Variants in FSTL5 observed in about 807,000 individuals in gnomAD.
FSTL5 encodes the protein follistatin-related protein 5.
Under a neutral mutation model 89.1 loss-of-function variants are expected in FSTL5, and 62 were observed. The ratio of observed to expected loss-of-function variants is 0.70; its 90% CI spans 0.57 to 0.86. The LOEUF is 0.86. Ranked by LOEUF, FSTL5 falls within the 40% of genes least tolerant of loss-of-function variation. The pLI, the probability that FSTL5 is intolerant of heterozygous loss-of-function variation, is 0.00. For synonymous variants in FSTL5, 383 were observed against 346.2 expected (o/e 1.11, Z -1.18); for missense variants, 1,057 against 1,001.6 (o/e 1.06, Z -0.75).
intron 3 of FSTL5, among the ~76,000 whole-genome samples, chr4:162,011,296 T>C (rs1736759656): frequency 1.3e-5 from 2 of 152,098 alleles, no homozygotes; most frequent in South Asian, 2.1e-4. Flanking sequence ...CCAGAAGATA[T>C]TACTTGAATT....
intron 6 of FSTL5, 56 bp downstream of exon 6, chr4:161,759,355 T>G: frequency 2.0e-6 from 3 of 1,527,984 alleles, no homozygotes; most frequent in Non-Finnish European, 1.8e-6. Flanking sequence ...GACCATATTG[T>G]GTAAAGCAAC....
intron 2 of FSTL5, among the ~76,000 whole-genome samples, chr4:162,104,215 G>A (rs1021713893): frequency 5.9e-5 from 9 of 152,208 alleles, no homozygotes; most frequent in Non-Finnish European, 7.3e-5. Context: ...GTTCCTGCAC[G>A]GCTAAGTGCC....
intron 4 of FSTL5, among the ~76,000 whole-genome samples, chr4:161,912,731 G>C (rs945040507): frequency 1.3e-5 from 2 of 152,132 alleles, no homozygotes; most frequent in African/African-American, 4.8e-5. Flanking sequence ...TTTGGAACTG[G>C]GTAAGAGGCA....
intron 1 of FSTL5, among the ~76,000 whole-genome samples, chr4:162,162,408 G>A (rs906595859): frequency 3.3e-5 from 5 of 151,844 alleles, no homozygotes; most frequent in Middle Eastern, 3.2e-3. Context: ...ACATCTACTT[G>A]CAACCTAAAC....
At chr4:161,665,388 C>T (rs1579005579) in intron 6 of FSTL5, among the ~76,000 whole-genome samples, 1 of 152,106 alleles carries the variant, frequency 6.6e-6, no homozygotes, top group Non-Finnish European at 1.5e-5. Context: ...CGCCCGCTAC[C>T]TCGCCTGGCT....
At chr4:161,934,615 G>GCT (rs140327790) in intron 3 of FSTL5, among the ~76,000 whole-genome samples, 4 of 151,540 alleles carry the variant, frequency 2.6e-5, no homozygotes, top group Admixed American at 1.3e-4. Flanking sequence ...AATTTTGTGG[G>GCT]GTTTTTTTTC....
chr4:161,535,826 G>A lies in FSTL5; in HGVS notation c.1312+2340C>T, dbSNP rs536904210. ...GCACTATTCACAATACTAAAGACAT[G>A]GAATCAATCTAGGTGCCTATCAATG... On this transcript the variant is annotated intron_variant, in intron 10 of 15. Transcript: ENST00000306100. Among the ~76,000 whole-genome samples, 3 of 152,068 alleles carry A rather than the reference G, an allele frequency of 2.0e-5. No individual in the cohort carries two copies. In the East Asian group the frequency reaches 5.8e-4, roughly 29 times the overall value.
intron 3 of FSTL5, among the ~76,000 whole-genome samples, chr4:162,008,006 G>A (rs11100407): frequency 0.14 from 20,791 of 151,634 alleles, 1,501 homozygotes; most frequent in East Asian, 0.28. Flanking sequence ...CAGTGTGGAA[G>A]TTTCTATTTA....
At chr4:161,430,757 A>G (rs1732334382) in intron 15 of FSTL5, among the ~76,000 whole-genome samples, 1 of 152,108 alleles carries the variant, frequency 6.6e-6, no homozygotes, top group Admixed American at 6.5e-5. Flanking sequence ...AAACAAAAAC[A>G]AAAAAATCCA....
chr4:161,976,034 C>G (rs1735633832), intron 3 of FSTL5, among the ~76,000 whole-genome samples: 1 of 145,994 alleles, frequency 6.8e-6, no homozygotes, highest in African/African-American at 2.5e-5. Context: ...AGGAGAATCG[C>G]GTGAACTCGG....
chr4:161,483,633 T>C (rs1729590493), intron 12 of FSTL5, among the ~76,000 whole-genome samples: 2 of 152,246 alleles, frequency 1.3e-5, no homozygotes, highest in South Asian at 4.1e-4. Flanking sequence ...TTATATTATA[T>C]TATTTCTCAC....
At chr4:161,731,976 T>C (rs1331815810) in intron 6 of FSTL5, among the ~76,000 whole-genome samples, 2 of 152,102 alleles carry the variant, frequency 1.3e-5, no homozygotes, top group Admixed American at 1.3e-4. Context: ...TTGTGTGACA[T>C]TGACTTTCAT....
At chr4:161,397,931 A>G (rs1224834845) in intron 15 of FSTL5, among the ~76,000 whole-genome samples, 12 of 152,010 alleles carry the variant, frequency 7.9e-5, no homozygotes, top group Non-Finnish European at 1.8e-4. Flanking sequence ...TAATTAGATG[A>G]ATGTAAATTA....
At chr4:161,686,595 C>T (rs956074651) in intron 6 of FSTL5, among the ~76,000 whole-genome samples, 6 of 151,098 alleles carry the variant, frequency 4.0e-5, no homozygotes, top group Non-Finnish European at 1.5e-5. Context: ...CTCCTGACCT[C>T]GTGATCTGCC....
At chr4:161,763,118 T>C (rs899871811) in intron 5 of FSTL5, among the ~76,000 whole-genome samples, 3 of 152,178 alleles carry the variant, frequency 2.0e-5, no homozygotes, top group Admixed American at 6.5e-5. Context: ...ACTATTCTCC[T>C]TCACTCACTA....
chr4:161,972,354 G>A (rs1416375900), intron 3 of FSTL5, among the ~76,000 whole-genome samples: 15 of 152,140 alleles, frequency 9.9e-5, no homozygotes, highest in Admixed American at 9.2e-4. Flanking sequence ...GATTACAAGC[G>A]TGAGCCATCA....
chr4:161,455,294 T>C (rs912649831), intron 14 of FSTL5, among the ~76,000 whole-genome samples, 166 bp from the exon 15 acceptor site: 4 of 152,182 alleles, frequency 2.6e-5, no homozygotes, highest in Non-Finnish European at 4.4e-5. Context: ...TCTGTGACTG[T>C]TTTGCTTATT....
At chr4:161,874,736 T>G (rs531048328) in intron 4 of FSTL5, among the ~76,000 whole-genome samples, 32 of 152,214 alleles carry the variant, frequency 2.1e-4, no homozygotes, top group African/African-American at 7.0e-4. Flanking sequence ...TTCATTAACT[T>G]TTTTGTAATA....
At chr4:161,770,462 T>C (rs1741168216) in intron 5 of FSTL5, among the ~76,000 whole-genome samples, 1 of 151,994 alleles carries the variant, frequency 6.6e-6, no homozygotes, top group African/African-American at 2.4e-5. Context: ...CATGTAACCC[T>C]TATGTATATA....
Sources: allele counts gnomAD v4.1 joint callset (sites outside exome capture counted in the v4.1 genomes callset), GRCh38; gene constraint gnomAD v4.1.1; transcripts MANE v1.5; gene names NCBI Gene and HGNC (gene_info 2026-07-23, HGNC 2026-07-21).